The following ACOD1 variants were observed in gnomAD, a reference collection of about 807,000 sequenced individuals.
ACOD1 encodes aconitate decarboxylase 1.
ACOD1 carries 14 observed loss-of-function variants against 14.2 expected under a neutral mutation model. That is an observed-to-expected ratio of 0.99 (90% confidence interval 0.65 to 1.54). The LOEUF is 1.54. Among genes scored for constraint, ACOD1 ranks in the 40% most tolerant of loss-of-function variants. ACOD1 has a pLI of 0.00. For missense variants in ACOD1, 530 were observed against 586.3 expected (o/e 0.90, Z 0.99); for synonymous variants, 182 against 221.7 (o/e 0.82, Z 1.59).
Position 76,948,515 on chromosome 13 carries a change from C to G in ACOD1, c.-44C>G, listed in dbSNP as rs1177968157. The G allele has an allele frequency of 6.5e-7, 1 of 1,535,766 alleles. No individual in the cohort carries two copies. Among genetic ancestry groups the G allele is most frequent in the African/African-American group, 1.4e-5 (1 of 72,704 alleles). On this transcript the variant is annotated 5_prime_UTR_variant, in exon 1 of 5. Transcript: ENST00000377462. ...CAGACATCCAGCAAACAAATTACTC[C>G]TCTGGTTCACTCCTCCTGAACTGAA... is the stretch of plus-strand genomic sequence containing the variant.
Position 76,957,823 on chromosome 13 carries a change from G to A in ACOD1, c.1284G>A (p.Lys428=). ...AAAAGTTCAGAGCCAATGCCTCCAA[G>A]ATGCTGTCCTGGGACACAGTGGAAA... is the stretch of plus-strand genomic sequence containing the variant. The part of the protein sequence containing the change: ...LEEKFRANAS[K]MLSWDTVESL... The change falls in exon 5 of 5, where the codon AAG becomes AAA. Residue 428 remains lysine (K), a synonymous_variant. Coordinates refer to ENST00000377462, the MANE Select transcript of ACOD1 (RefSeq NM_001258406.2). 1 of 1,551,064 alleles carries A rather than the reference G, an allele frequency of 6.4e-7. No homozygotes were observed. Among genetic ancestry groups the A allele is most frequent in the South Asian group, 1.2e-5 (1 of 84,058 alleles).
At position 76,955,413 on chromosome 13, in the gene ACOD1, C is replaced by T. The variant is rs1449761947; in HGVS notation, c.359C>T (p.Pro120Leu). ...CTCACAGCTTTAGCAGAAGCCCTGC[C>T]AAGGAGTCCAAAGTTTTCTGGCCTT... ...PVLTALAEAL[P>L]RSPKFSGLDL... is the part of the protein sequence containing the mutation. Residue 120 changes from proline (P) to leucine (L), a missense_variant, in exon 4 of 5, where the codon CCA becomes CTA. Transcript: ENST00000377462. 3.2e-6 allele frequency: 5 copies of T among 1,550,494 alleles called. No homozygotes were observed. The highest frequency in any genetic ancestry group is 2.7e-5 in the African/African-American group (2 of 73,046).
At chr13:76,954,611 C>T (rs891069082) in intron 3 of ACOD1, among the ~76,000 whole-genome samples, 4 of 152,134 alleles carry the variant, frequency 2.6e-5, no homozygotes, top group Non-Finnish European at 4.4e-5. Context: ...TGACATTAAA[C>T]TTGCAGTGCA....
In ACOD1 at chr13:76,957,728, A is replaced by C; in HGVS notation, c.1189A>C (p.Thr397Pro). The C allele has an allele frequency of 6.4e-7, 1 of 1,550,692 alleles. No homozygotes were observed. ...AAGTGTCACCCTCAAGGATGGAGCCACCTTCACAGATCGCTCTGATACCTT... is the reference window on the plus strand; with the variant it reads ...AAGTGTCACCCTCAAGGATGGAGCCCCCTTCACAGATCGCTCTGATACCTT... ...EISVTLKDGA[T>P]FTDRSDTFYG... The change falls in exon 5 of 5, where the codon ACC becomes CCC. Residue 397 changes from threonine (T) to proline (P), a missense_variant. By Grantham distance (38) the Thr-to-Pro change is conservative (BLOSUM62 -1). Coordinates refer to ENST00000377462, the MANE Select transcript of ACOD1 (RefSeq NM_001258406.2).
intron 4 of ACOD1, among the ~76,000 whole-genome samples, chr13:76,956,802 C>T (rs776360218): frequency 1.3e-5 from 2 of 152,190 alleles, no homozygotes. Flanking sequence ...CATGAACCAC[C>T]ACACCTCGCC....
chr13:76,957,458 A>G lies in ACOD1; in HGVS notation c.919A>G (p.Lys307Glu). Residue 307 changes from lysine (K) to glutamate (E), a missense_variant, in exon 5 of 5, where the codon AAG (lysine) becomes GAG (glutamate). By Grantham distance (56) the Lys-to-Glu change is moderately conservative. Transcript: ENST00000377462. ...AGCCCTGCTTCCAACTGACTACATT[A>G]AGAGAATTGTGCTCAGGATACCAAA... is the stretch of plus-strand genomic sequence containing the variant. ...ERALLPTDYI[K>E]RIVLRIPNVQ... is the part of the protein sequence containing the mutation. 6.4e-7 allele frequency: 1 copy of G among 1,550,634 alleles called. No homozygotes were observed. Among genetic ancestry groups the G allele is most frequent in the Non-Finnish European group, 8.7e-7 (1 of 1,147,002 alleles).
chr13:76,950,140 T>C (rs2033808728), intron 1 of ACOD1, among the ~76,000 whole-genome samples: 1 of 152,158 alleles, frequency 6.6e-6, no homozygotes, highest in Non-Finnish European at 1.5e-5. Context: ...ACGGGTTCCA[T>C]CTCTGTAGCT....
In ACOD1 at chr13:76,958,047, A is replaced by C; in HGVS notation, c.*62A>C. On this transcript the variant is annotated 3_prime_UTR_variant, in exon 5 of 5. Coordinates refer to ENST00000377462, the MANE Select transcript of ACOD1 (RefSeq NM_001258406.2). ...GATTCAATGATTTGGTTTGTAAAGCAAGGGTCTGCTGCTTGGTTTTCCCAG... is the reference window on the plus strand; with the variant it reads ...GATTCAATGATTTGGTTTGTAAAGCCAGGGTCTGCTGCTTGGTTTTCCCAG... The C allele has an allele frequency of 7.1e-7, 1 of 1,410,420 alleles. No homozygotes were observed. The highest frequency in any genetic ancestry group is 1.5e-5 in the South Asian group (1 of 66,138). The allele number at this position is 1,410,420 out of a possible 1,614,324, so 87.4% of individuals were successfully genotyped here.
At chr13:76,950,807 G>A (rs2033814351) in intron 1 of ACOD1, among the ~76,000 whole-genome samples, 1 of 152,192 alleles carries the variant, frequency 6.6e-6, no homozygotes, top group African/African-American at 2.4e-5. Flanking sequence ...TCTTAAGACA[G>A]CACTTTGGCT....
chr13:76,955,667 C>G (rs906229984), intron 4 of ACOD1, 143 bp downstream of exon 4: 24 of 701,372 alleles, frequency 3.4e-5, no homozygotes, highest in Non-Finnish European at 5.2e-5. Context: ...ATACACCAGT[C>G]ACATACGAAA....
At chr13:76,953,092 G>A (rs187853860) in intron 2 of ACOD1, among the ~76,000 whole-genome samples, 7 of 152,286 alleles carry the variant, frequency 4.6e-5, no homozygotes, top group Admixed American at 1.3e-4. Flanking sequence ...AGTAAGTCAA[G>A]ATCATGCCAC....
At position 76,952,535 on chromosome 13, in the gene ACOD1, G is replaced by A. The variant is rs2033832235; in HGVS notation, c.59G>A (p.Gly20Glu). The change falls in exon 2 of 5, where the codon GGA becomes GAA. Residue 20 changes from glycine to glutamate, a missense_variant. Physicochemically the swap from Gly to Glu is moderately conservative, Grantham distance 98 (BLOSUM62 -2). Coordinates refer to ENST00000377462, the MANE Select transcript of ACOD1 (RefSeq NM_001258406.2). ...ACAGCAATCCATGGCTTGAAAGTGG[G>A]ACACCTGACAGATCGTGTTATTCAG... is the stretch of plus-strand genomic sequence containing the variant. Reference protein sequence around the residue: ...FATAIHGLKVGHLTDRVIQRS... With the variant: ...FATAIHGLKVEHLTDRVIQRS... The A allele has an allele frequency of 5.8e-6, 9 of 1,550,308 alleles. No homozygotes were observed. The highest frequency in any genetic ancestry group is 7.8e-6 in the Non-Finnish European group (9 of 1,146,978).
chr13:76,955,183 T>C (rs2033862654), intron 3 of ACOD1, 136 bp from the exon 4 acceptor site: 2 of 621,164 alleles, frequency 3.2e-6, no homozygotes, highest in Non-Finnish European at 5.5e-6. Flanking sequence ...TCTCAGATTT[T>C]CTTTTCTGAG....
At chr13:76,952,357 T>C (rs2033830276) in intron 1 of ACOD1, 132 bp from the exon 2 acceptor site, 2 of 720,450 alleles carry the variant, frequency 2.8e-6, no homozygotes, top group Non-Finnish European at 4.4e-6. Context: ...GAAATTAAAC[T>C]AAATCTGAGC....
At chr13:76,954,426 G>A (rs1360504351) in intron 3 of ACOD1, among the ~76,000 whole-genome samples, 1 of 152,096 alleles carries the variant, frequency 6.6e-6, no homozygotes, top group Non-Finnish European at 1.5e-5. Context: ...AAAAGAAAAT[G>A]GCTAGGAGAA....
chr13:76,950,665 T>C (rs559325336), intron 1 of ACOD1, among the ~76,000 whole-genome samples: 6 of 152,278 alleles, frequency 3.9e-5, no homozygotes, highest in Admixed American at 3.3e-4. Context: ...GGCACTGCCA[T>C]TTCCCCATCC....
At chr13:76,951,122 T>G (rs1031357308) in intron 1 of ACOD1, among the ~76,000 whole-genome samples, 2 of 152,222 alleles carry the variant, frequency 1.3e-5, no homozygotes, top group Non-Finnish European at 2.9e-5. Flanking sequence ...CATATGTAAT[T>G]TAAAATTTTC....
At position 76,950,511 on chromosome 13, in the gene ACOD1, T is replaced by G. The variant is rs1283798076; in HGVS notation, c.12+1941T>G. Among the ~76,000 whole-genome samples the G allele has an allele frequency of 2.6e-5, 4 of 152,372 alleles. No individual in the cohort carries two copies. The East Asian group carries it at 7.7e-4, about 29-fold the overall frequency. ...GAAATTCAAGTAATCTTACATGTTTTTCTTATCTAGCTTATGGGTAGAAGC... is the reference window on the plus strand; with the variant it reads ...GAAATTCAAGTAATCTTACATGTTTGTCTTATCTAGCTTATGGGTAGAAGC... On this transcript the variant is annotated intron_variant, in intron 1 of 4. Transcript: ENST00000377462.
At chr13:76,952,372 G>A (rs978788671) in intron 1 of ACOD1, 117 bp from the exon 2 acceptor site, 1 of 789,642 alleles carries the variant, frequency 1.3e-6, no homozygotes, top group Non-Finnish European at 2.0e-6. Flanking sequence ...CTGAGCAACT[G>A]GGTTTCTTGT....
Sources: allele counts gnomAD v4.1 joint callset (sites outside exome capture counted in the v4.1 genomes callset), GRCh38; gene constraint gnomAD v4.1.1; transcripts MANE v1.5; gene names NCBI Gene and HGNC (gene_info 2026-07-23, HGNC 2026-07-21).